GRM7: variants seen among roughly 807,000 people sequenced by gnomAD.
GRM7 encodes metabotropic glutamate receptor 7.
In GRM7, 35 loss-of-function variants were observed where a neutral mutation model predicts 84.5. The ratio of observed to expected loss-of-function variants is 0.41; its 90% CI spans 0.32 to 0.55. GRM7 has a LOEUF of 0.55. Among genes scored for constraint, GRM7 ranks in the 20% least tolerant of loss-of-function variants. The pLI, the probability that GRM7 is intolerant of heterozygous loss-of-function variation, is 0.19. For missense variants in GRM7, 1,003 were observed against 1,194.6 expected, an observed-to-expected ratio of 0.84 and a Z score of 2.36; for synonymous variants, 487 against 455.1, an observed-to-expected ratio of 1.07 and a Z score of -0.89.
At chr3:7,608,986 C>A (rs1397302916) in intron 8 of GRM7, among the ~76,000 whole-genome samples, 3 of 152,088 alleles carry the variant, frequency 2.0e-5, no homozygotes, top group African/African-American at 7.2e-5. Flanking sequence ...TTTTCCCATT[C>A]CTTGTTTTTG....
intron 9 of GRM7, among the ~76,000 whole-genome samples, chr3:7,721,559 A>C (rs974358760): frequency 2.6e-5 from 4 of 152,362 alleles, no homozygotes; most frequent in Middle Eastern, 3.4e-3. Flanking sequence ...AGTAGTGAAT[A>C]AATAAACTTA....
chr3:7,002,288 A>G (rs1243412036), intron 1 of GRM7, among the ~76,000 whole-genome samples: 1 of 152,188 alleles, frequency 6.6e-6, no homozygotes, highest in East Asian at 1.9e-4. Flanking sequence ...GGAATTTTGT[A>G]TAATCTTTAT....
chr3:7,121,108 A>G (rs1693201787), intron 1 of GRM7, among the ~76,000 whole-genome samples: 1 of 152,180 alleles, frequency 6.6e-6, no homozygotes, highest in South Asian at 2.1e-4. Context: ...TTGTTGAACT[A>G]TAGATGAAAG....
chr3:7,426,250 G>A (rs1027474925), intron 5 of GRM7, among the ~76,000 whole-genome samples: 2 of 152,004 alleles, frequency 1.3e-5, no homozygotes, highest in African/African-American at 4.8e-5. Flanking sequence ...CTCCCGAGTA[G>A]CTGGGATTAC....
intron 1 of GRM7, among the ~76,000 whole-genome samples, chr3:6,941,618 A>G (rs1224608706): frequency 6.6e-6 from 1 of 152,234 alleles, no homozygotes; most frequent in Non-Finnish European, 1.5e-5. Context: ...ATTTAAATAC[A>G]GGTCAAAAAG....
chr3:6,870,215 T>C (rs1281483750), intron 1 of GRM7, among the ~76,000 whole-genome samples: 1 of 152,160 alleles, frequency 6.6e-6, no homozygotes, highest in African/African-American at 2.4e-5. Flanking sequence ...GGGTTGGTAG[T>C]GCTAGGGGCT....
At chr3:7,394,291 A>G (rs1695119805) in intron 4 of GRM7, among the ~76,000 whole-genome samples, 1 of 152,198 alleles carries the variant, frequency 6.6e-6, no homozygotes, top group Non-Finnish European at 1.5e-5. Context: ...TGGTAGATTC[A>G]CACAGCATTT....
intron 2 of GRM7, among the ~76,000 whole-genome samples, chr3:7,230,087 C>T (rs1375655511): frequency 6.6e-6 from 1 of 151,884 alleles, no homozygotes; most frequent in East Asian, 2.0e-4. Flanking sequence ...GATCCACCCA[C>T]CTCGGCCTCC....
intron 1 of GRM7, among the ~76,000 whole-genome samples, chr3:6,986,122 G>C (rs761526823): frequency 6.6e-6 from 1 of 152,124 alleles, no homozygotes. Flanking sequence ...GTACAATATA[G>C]TAGCTATTCT....
chr3:6,969,126 C>G (rs143108687), intron 1 of GRM7, among the ~76,000 whole-genome samples: 1 of 151,494 alleles, frequency 6.6e-6, no homozygotes, highest in African/African-American at 2.4e-5. Context: ...AATTTAAAAA[C>G]TACCAGCACA....
intron 7 of GRM7, among the ~76,000 whole-genome samples, chr3:7,479,714 G>C (rs1310954587): frequency 6.6e-6 from 1 of 152,126 alleles, no homozygotes; most frequent in Non-Finnish European, 1.5e-5. Flanking sequence ...CCATTTTACA[G>C]ATGAGAAACC....
intron 7 of GRM7, among the ~76,000 whole-genome samples, chr3:7,500,979 G>C (rs550054729): frequency 6.6e-6 from 1 of 152,368 alleles, no homozygotes; most frequent in African/African-American, 2.4e-5. Context: ...AGATCTGTGA[G>C]GGTGAGAAGA....
rs377685038 is a variant in GRM7, at chr3:6,920,064, C to A, written c.519+58157C>A. On this transcript the variant is annotated intron_variant, in intron 1 of 9. Coordinates refer to ENST00000357716, the MANE Select transcript of GRM7 (RefSeq NM_000844.4). ...AGCTATCTTGTATTCTTTTGCTCTG[C>A]CAATTGATTAATATATAATACATAT... 2.0e-5 allele frequency among the ~76,000 whole-genome samples: 3 copies of A among 152,012 alleles called. No individual in the cohort carries two copies. The East Asian group carries it at 5.8e-4, about 29-fold the overall frequency.
At chr3:7,412,063 G>T (rs1357598274) in intron 4 of GRM7, among the ~76,000 whole-genome samples, 6 of 140,900 alleles carry the variant, frequency 4.3e-5, no homozygotes, top group South Asian at 2.2e-4. Context: ...TCTCCCTCTT[G>T]TCATTTCCTT....
At chr3:6,883,795 G>A (rs1695594682) in intron 1 of GRM7, among the ~76,000 whole-genome samples, 2 of 152,182 alleles carry the variant, frequency 1.3e-5, no homozygotes, top group Non-Finnish European at 2.9e-5. Flanking sequence ...GAAACCGTGA[G>A]GATCCTGCTT....
intron 1 of GRM7, among the ~76,000 whole-genome samples, chr3:6,941,000 C>T (rs1281434614): frequency 6.6e-6 from 1 of 152,212 alleles, no homozygotes; most frequent in East Asian, 1.9e-4. Flanking sequence ...AGATGTTGCT[C>T]ATTGTGTTTG....
At chr3:7,589,524 A>G (rs1298400020) in intron 8 of GRM7, among the ~76,000 whole-genome samples, 5 of 152,224 alleles carry the variant, frequency 3.3e-5, no homozygotes, top group Non-Finnish European at 7.3e-5. Context: ...GTGAATAAAC[A>G]GTAGAGGCAA....
At chr3:7,286,434 A>G (rs1371074496) in intron 2 of GRM7, among the ~76,000 whole-genome samples, 1 of 152,210 alleles carries the variant, frequency 6.6e-6, no homozygotes, top group Non-Finnish European at 1.5e-5. Flanking sequence ...CTAATGTGAA[A>G]TGCTGTTTAT....
chr3:7,245,136 A>G (rs1284414415), intron 2 of GRM7, among the ~76,000 whole-genome samples: 1 of 152,044 alleles, frequency 6.6e-6, no homozygotes, highest in African/African-American at 2.4e-5. Context: ...ACCCAAACTG[A>G]TTGAAAAATT....
Sources: allele counts gnomAD v4.1 joint callset (sites outside exome capture counted in the v4.1 genomes callset), GRCh38; gene constraint gnomAD v4.1.1; transcripts MANE v1.5; gene names NCBI Gene and HGNC (gene_info 2026-07-23, HGNC 2026-07-21).